RNF170: variants seen among roughly 807,000 people sequenced by gnomAD.
RNF170 encodes E3 ubiquitin-protein ligase RNF170.
In RNF170, 12 loss-of-function variants were observed where a neutral mutation model predicts 32.7. The ratio of observed to expected loss-of-function variants is 0.37; its 90% CI spans 0.24 to 0.60. The LOEUF is 0.60. Ranked by LOEUF, RNF170 falls within the 20% of genes least tolerant of loss-of-function variation. The probability of loss-of-function intolerance (pLI) is 0.72; values close to 1 mark genes in which losing one functional copy is unlikely to be tolerated. For missense variants in RNF170, 212 were observed against 311.2 expected, an observed-to-expected ratio of 0.68 and a Z score of 2.40; for synonymous variants, 91 against 103.6, an observed-to-expected ratio of 0.88 and a Z score of 0.74.
chr8:42,863,373 C>T (rs919378375), intron 5 of RNF170, among the ~76,000 whole-genome samples: 4 of 151,906 alleles, frequency 2.6e-5, no homozygotes, highest in African/African-American at 7.3e-5. Context: ...AAGACCTACT[C>T]CCTAGTTTGG....
chr8:42,864,560 G>A (rs1016619189), intron 5 of RNF170, among the ~76,000 whole-genome samples: 1 of 152,114 alleles, frequency 6.6e-6, no homozygotes, highest in Non-Finnish European at 1.5e-5. Flanking sequence ...GAAATGGAGA[G>A]AATTTGGCAT....
chr8:42,870,574 A>C (rs1804448725), intron 3 of RNF170, among the ~76,000 whole-genome samples: 1 of 152,078 alleles, frequency 6.6e-6, no homozygotes, highest in Non-Finnish European at 1.5e-5. Flanking sequence ...AAAAAATAGA[A>C]AAATTAGCCA....
downstream of RNF170, among the ~76,000 whole-genome samples, chr8:42,851,304 G>T (rs929464671): frequency 3.3e-5 from 5 of 152,122 alleles, no homozygotes; most frequent in Admixed American, 2.0e-4. Flanking sequence ...GCTCACACCT[G>T]TAATCTCAGC....
chr8:42,884,220 G>A (rs1731401441), intron 2 of RNF170, among the ~76,000 whole-genome samples: 1 of 151,670 alleles, frequency 6.6e-6, no homozygotes, highest in Non-Finnish European at 1.5e-5. Flanking sequence ...GCTAGCTGGG[G>A]TTATAGGGGC....
intron 1 of RNF170, among the ~76,000 whole-genome samples, chr8:42,895,968 G>A (rs770603286): frequency 7.2e-5 from 11 of 152,204 alleles, no homozygotes; most frequent in Non-Finnish European, 1.6e-4. Context: ...TTCTTTAAAC[G>A]TGTATGTCGT....
intron 2 of RNF170, among the ~76,000 whole-genome samples, chr8:42,885,945 AGGCACGGT>A (rs1238996469): frequency 2.0e-5 from 3 of 152,072 alleles, no homozygotes; most frequent in Non-Finnish European, 4.4e-5. Context: ...TTGGTAGGCC[AGGCACGGT>A]GGCTCACGCC....
In RNF170 at chr8:42,890,053, T is replaced by C. The variant is rs552707680; in HGVS notation, c.-7-2182A>G. Among the ~76,000 whole-genome samples the C allele has an allele frequency of 2.1e-4, 32 of 152,244 alleles. No individual in the cohort carries two copies. The South Asian group carries it at 4.8e-3, about 23-fold the overall frequency. ...GAAAGTGCTTTGTAAGTTAAGTCTA[T>C]CAACAAATGCATTGTAATTATTCCT... On this transcript the variant is annotated intron_variant, in intron 1 of 6. Coordinates refer to ENST00000527424, the MANE Select transcript of RNF170 (RefSeq NM_030954.4).
At chr8:42,852,581 C>T (rs2128920606), downstream of RNF170, among the ~76,000 whole-genome samples, 1 of 152,118 alleles carries the variant, frequency 6.6e-6, no homozygotes, top group African/African-American at 2.4e-5. Flanking sequence ...CCACACCTGG[C>T]TAATTTTTGT....
chr8:42,866,644 C>T (rs971063950), intron 4 of RNF170, among the ~76,000 whole-genome samples: 7 of 151,908 alleles, frequency 4.6e-5, no homozygotes, highest in Admixed American at 4.6e-4. Context: ...ATTATATGCT[C>T]TGCCCTAATG....
At position 42,854,655 on chromosome 8, in the gene RNF170, T is replaced by C; in HGVS notation, c.*1504A>G. The C allele has an allele frequency of 7.8e-7, 1 of 1,287,248 alleles. No individual in the cohort carries two copies. The highest frequency in any genetic ancestry group is 1.2e-5 in the South Asian group (1 of 80,938). The allele number at this position is 1,287,248 out of a possible 1,614,324, so 79.7% of individuals were successfully genotyped here. On this transcript the variant is annotated 3_prime_UTR_variant, in exon 7 of 7. Coordinates refer to ENST00000527424, the MANE Select transcript of RNF170 (RefSeq NM_030954.4). The stretch of plus-strand genomic sequence containing the variant: ...TTAGCTAGAGAGAATGTGACAGATT[T>C]TCTCCTTATCTCCCAGTCTGCATAT...
chr8:42,896,994 C>G, upstream of RNF170: 1 of 530,604 alleles, frequency 1.9e-6, no homozygotes, highest in Non-Finnish European at 2.9e-6. Flanking sequence ...GCTGCCAGCG[C>G]TGGGCGAGAG....
intron 3 of RNF170, among the ~76,000 whole-genome samples, chr8:42,870,886 T>C (rs910854830): frequency 1.2e-4 from 19 of 152,114 alleles, no homozygotes; most frequent in African/African-American, 4.6e-4. Context: ...GATTTATCTG[T>C]AGGACTCATT....
At chr8:42,865,366 T>C in intron 5 of RNF170, 50 bp downstream of exon 5, 1 of 1,404,128 alleles carries the variant, frequency 7.1e-7, no homozygotes, top group Non-Finnish European at 1.0e-6. Context: ...ACTATAAAAA[T>C]GTACAAAATA....
In RNF170 at chr8:42,870,117, T is replaced by C. The variant is rs1265258767; in HGVS notation, c.214-5A>G. On this transcript the variant is annotated splice_polypyrimidine_tract_variant and splice_region_variant and intron_variant, in intron 3 of 6. Transcript: ENST00000527424. ...TCGAGTGGCAGCAGGTGCATCCTAA[T>C]AAGAACACAGGTGCACACATTGGAA... The C allele has an allele frequency of 1.9e-6, 3 of 1,605,218 alleles. No homozygotes were observed. Among genetic ancestry groups the C allele is most frequent in the Admixed American group, 1.7e-5 (1 of 59,936 alleles).
At chr8:42,856,455 G>A (rs769160570) in intron 6 of RNF170, 27 bp from the exon 7 acceptor site, 2 of 1,499,030 alleles carry the variant, frequency 1.3e-6, no homozygotes, top group Non-Finnish European at 9.3e-7. Context: ...CAAGTATTAT[G>A]ATTCAGCACC....
At chr8:42,888,540 A>G in intron 1 of RNF170, among the ~76,000 whole-genome samples, 1 of 151,406 alleles carries the variant, frequency 6.6e-6, no homozygotes, top group Non-Finnish European at 1.5e-5. Context: ...AGGCAGGCGG[A>G]TCACCTGAGG....
At chr8:42,879,575 C>A (rs990552506) in intron 2 of RNF170, among the ~76,000 whole-genome samples, 1 of 152,024 alleles carries the variant, frequency 6.6e-6, no homozygotes, top group African/African-American at 2.4e-5. Flanking sequence ...AGCATGAACC[C>A]GGGGGGCGGT....
chr8:42,864,530 C>A (rs1253964651), intron 5 of RNF170, among the ~76,000 whole-genome samples: 1 of 152,250 alleles, frequency 6.6e-6, no homozygotes, highest in Admixed American at 6.5e-5. Context: ...TTCAGTATTT[C>A]ATTTCTCCAG....
chr8:42,873,462 G>A (rs1052393362), intron 3 of RNF170, among the ~76,000 whole-genome samples: 3 of 151,856 alleles, frequency 2.0e-5, no homozygotes, highest in Non-Finnish European at 2.9e-5. Flanking sequence ...CTGGTAAAAA[G>A]CAAAGAACAA....
Sources: allele counts gnomAD v4.1 joint callset (sites outside exome capture counted in the v4.1 genomes callset), GRCh38; gene constraint gnomAD v4.1.1; transcripts MANE v1.5; gene names NCBI Gene and HGNC (gene_info 2026-07-23, HGNC 2026-07-21).